The following RBFOX1 variants were observed in gnomAD, a reference collection of about 807,000 sequenced individuals.
RBFOX1 encodes RNA binding protein fox-1 homolog 1.
A neutral mutation model predicts 57.7 loss-of-function variants in RBFOX1; 8 were observed. The ratio of observed to expected loss-of-function variants is 0.14; its 90% CI spans 0.08 to 0.25. The LOEUF (loss-of-function observed/expected upper bound fraction) is 0.25, where lower values mean the gene tolerates loss of function less well. RBFOX1 is among the 10% of genes least tolerant of loss of function. RBFOX1 has a pLI of 1.00. For missense variants in RBFOX1, 611 were observed against 548.5 expected, an observed-to-expected ratio of 1.11 and a Z score of -1.14; for synonymous variants, 326 against 222.4, an observed-to-expected ratio of 1.47 and a Z score of -4.15.
chr16:7,078,459 T>C (rs983997650), intron 4 of RBFOX1, among the ~76,000 whole-genome samples: 1 of 152,132 alleles, frequency 6.6e-6, no homozygotes, highest in African/African-American at 2.4e-5. Flanking sequence ...GCGGTTCTCC[T>C]ACCTCAGTCT....
chr16:6,874,010 A>C (rs1041400141), intron 3 of RBFOX1: 3 of 152,230 alleles, frequency 2.0e-5, no homozygotes, highest in African/African-American at 7.2e-5. Flanking sequence ...ATTTTTAGTA[A>C]AAGTAGAAAT....
intron 3 of RBFOX1, among the ~76,000 whole-genome samples, chr16:6,924,968 G>A (rs570467104): frequency 3.3e-5 from 5 of 151,452 alleles, no homozygotes; most frequent in Admixed American, 2.0e-4. Context: ...ATAGTTTGCT[G>A]AGAATGATGG....
chr16:5,749,918 T>A (rs2053130200), intron 3 of RBFOX1, among the ~76,000 whole-genome samples: 2 of 152,238 alleles, frequency 1.3e-5, no homozygotes, highest in Non-Finnish European at 2.9e-5. Context: ...AGGAGCTGCG[T>A]TCCTTTAGAG....
intron 1 of RBFOX1, among the ~76,000 whole-genome samples, chr16:6,291,214 C>A (rs1026202437): frequency 6.6e-6 from 1 of 152,130 alleles, no homozygotes; most frequent in African/African-American, 2.4e-5. Flanking sequence ...GTGCCAACCT[C>A]TTATCTCAGC....
chr16:5,573,004 G>T (rs1038049510), intron 2 of RBFOX1, among the ~76,000 whole-genome samples: 1 of 152,254 alleles, frequency 6.6e-6, no homozygotes, highest in Admixed American at 6.5e-5. Context: ...GATGAAGGCT[G>T]CCCCAGCCAC....
chr16:6,020,512 G>A (rs551500592), intron 1 of RBFOX1, among the ~76,000 whole-genome samples: 1 of 152,306 alleles, frequency 6.6e-6, no homozygotes, highest in South Asian at 2.1e-4. Context: ...AAGCGCCGCT[G>A]TGTTTACTGG....
chr16:6,790,086 A>G (rs559956257), intron 3 of RBFOX1, among the ~76,000 whole-genome samples: 29 of 144,430 alleles, frequency 2.0e-4, no homozygotes, highest in East Asian at 7.9e-4. Context: ...ATATTTTTCT[A>G]TTATATTGAA....
intron 1 of RBFOX1, among the ~76,000 whole-genome samples, chr16:6,266,221 G>A (rs886381303): frequency 2.0e-5 from 3 of 152,140 alleles, no homozygotes; most frequent in Admixed American, 1.3e-4. Context: ...ATGTAGCAAA[G>A]CCATAGCTAA....
intron 3 of RBFOX1, among the ~76,000 whole-genome samples, chr16:6,931,329 CTATCTATCTCT>C (rs1567941756): frequency 1.1e-4 from 15 of 132,834 alleles, no homozygotes; most frequent in Non-Finnish European, 2.0e-4. Context: ...ATCTATCTAT[CTATCTATCTCT>C]ACACACACAC....
chr16:7,666,660 C>T (rs999224554), intron 13 of RBFOX1, among the ~76,000 whole-genome samples: 2 of 152,098 alleles, frequency 1.3e-5, no homozygotes, highest in African/African-American at 2.4e-5. Context: ...GAGTGTGTGT[C>T]TGTATCGATT....
chr16:5,519,380 A>G (rs964671067), intron 2 of RBFOX1, among the ~76,000 whole-genome samples: 3 of 152,084 alleles, frequency 2.0e-5, no homozygotes, highest in African/African-American at 7.2e-5. Flanking sequence ...TTTTATCATT[A>G]TGGGATAAAT....
intron 3 of RBFOX1, among the ~76,000 whole-genome samples, chr16:7,030,481 T>G (rs1201823836): frequency 1.3e-5 from 2 of 152,194 alleles, no homozygotes; most frequent in Admixed American, 1.3e-4. Context: ...AATCCTTCCT[T>G]CCTTCTCCCA....
intron 4 of RBFOX1, among the ~76,000 whole-genome samples, chr16:7,138,128 C>G (rs922540734): frequency 2.6e-5 from 4 of 152,056 alleles, no homozygotes; most frequent in Non-Finnish European, 4.4e-5. Context: ...ATACAGAAAG[C>G]GCTGTTGACT....
At chr16:7,283,236 C>G (rs143732027) in intron 4 of RBFOX1, among the ~76,000 whole-genome samples, 1 of 151,946 alleles carries the variant, frequency 6.6e-6, no homozygotes, top group South Asian at 2.1e-4. Context: ...CTGCTTGTCT[C>G]TCTCTGTTCG....
chr16:5,869,515 C>A lies in RBFOX1; in HGVS notation c.351+2180C>A, dbSNP rs558292364. On this transcript the variant is annotated intron_variant, in intron 4 of 19. Transcript: ENST00000641259. ...CTCCCAGGTTCAAGTGATTCTCCTG[C>A]CTCAGCCTCCCAAGTAGCTGGGAGT... Among the ~76,000 whole-genome samples, 4 of 152,236 alleles carry A rather than the reference C, an allele frequency of 2.6e-5. No homozygotes were observed. In the East Asian group the frequency reaches 7.7e-4, roughly 29 times the overall value.
chr16:7,434,856 C>T (rs996093231), intron 4 of RBFOX1, among the ~76,000 whole-genome samples: 1 of 152,004 alleles, frequency 6.6e-6, no homozygotes, highest in Non-Finnish European at 1.5e-5. Flanking sequence ...TCTCTAGCCT[C>T]AGCCTCCTGG....
At chr16:7,702,455 T>G (rs567523447) in intron 14 of RBFOX1, among the ~76,000 whole-genome samples, 1 of 152,208 alleles carries the variant, frequency 6.6e-6, no homozygotes, top group Non-Finnish European at 1.5e-5. Context: ...GAGATCTTAC[T>G]GTTTTGCTGC....
At chr16:6,215,265 C>CAGAGGGAGAGAGGGAAAAGGAGAGGG (rs1438101259) in intron 1 of RBFOX1, among the ~76,000 whole-genome samples, 1 of 76,044 alleles carries the variant, frequency 1.3e-5, no homozygotes, top group African/African-American at 5.3e-5. Context: ...GAGAGAAGGG[C>CAGAGGGAGAGAGGGAAAAGGAGAGGG]AGAGGGAGAG....
rs191440816 is a variant in RBFOX1, at chr16:6,940,456, C to T, written c.-15-111601C>T. Among the ~76,000 whole-genome samples the T allele has an allele frequency of 2.8e-4, 42 of 152,182 alleles. 1 individual carries two copies. In the East Asian group the frequency reaches 7.5e-3, roughly 27 times the overall value. On this transcript the variant is annotated intron_variant, in intron 3 of 15. Coordinates refer to ENST00000550418, the MANE Select transcript of RBFOX1 (RefSeq NM_018723.4). ...TCTCTGTCCACACAGCAAAAACTGACGAGTGAGTGATGACAATGATAATTT... is the reference window on the plus strand; with the variant it reads ...TCTCTGTCCACACAGCAAAAACTGATGAGTGAGTGATGACAATGATAATTT...
Sources: allele counts gnomAD v4.1 joint callset (sites outside exome capture counted in the v4.1 genomes callset), GRCh38; gene constraint gnomAD v4.1.1; transcripts MANE v1.5; gene names NCBI Gene and HGNC (gene_info 2026-07-23, HGNC 2026-07-21).